Variants in GFRA1 observed in about 807,000 individuals in gnomAD.
The protein encoded by GFRA1 is GDNF family receptor alpha 1.
In GFRA1, 16 loss-of-function variants were observed where a neutral mutation model predicts 51.6. The ratio of observed to expected loss-of-function variants is 0.31; its 90% CI spans 0.21 to 0.47. The LOEUF (loss-of-function observed/expected upper bound fraction) is 0.47. Among genes scored for constraint, GFRA1 ranks in the 20% least tolerant of loss-of-function variants. GFRA1 has a pLI of 1.00. For synonymous variants in GFRA1, 270 were observed against 241.3 expected, an observed-to-expected ratio of 1.12 and a Z score of -1.10; for missense variants, 530 against 594.3, an observed-to-expected ratio of 0.89 and a Z score of 1.13.
chr10:116,242,404 C>G (rs1967466593), intron 4 of GFRA1, among the ~76,000 whole-genome samples: 1 of 152,138 alleles, frequency 6.6e-6, no homozygotes, highest in East Asian at 1.9e-4. Context: ...AATTTGTTCC[C>G]AAAAAGCTAA....
At chr10:116,166,318 G>C (rs1201070844) in intron 5 of GFRA1, among the ~76,000 whole-genome samples, 1 of 152,192 alleles carries the variant, frequency 6.6e-6, no homozygotes, top group Non-Finnish European at 1.5e-5. Flanking sequence ...ATACCCAGTA[G>C]TGGGAATGTT....
chr10:116,135,290 G>A (rs758243238), intron 5 of GFRA1, among the ~76,000 whole-genome samples: 6 of 152,080 alleles, frequency 3.9e-5, no homozygotes, highest in African/African-American at 7.2e-5. Context: ...TTATAATTAC[G>A]GTGTATAAAT....
At chr10:116,143,694 A>T (rs2134103702) in intron 5 of GFRA1, among the ~76,000 whole-genome samples, 1 of 152,036 alleles carries the variant, frequency 6.6e-6, no homozygotes, top group East Asian at 1.9e-4. Flanking sequence ...TGCAATGAAC[A>T]TGGCGAATTT....
chr10:116,266,267 C>T (rs1003061729), intron 4 of GFRA1, among the ~76,000 whole-genome samples: 12 of 152,160 alleles, frequency 7.9e-5, no homozygotes, highest in African/African-American at 2.2e-4. Context: ...GAAATCCAAA[C>T]ATGGAAAGTG....
At chr10:116,084,581 A>G (rs1956003606) in intron 9 of GFRA1, among the ~76,000 whole-genome samples, 2 of 152,136 alleles carry the variant, frequency 1.3e-5, no homozygotes, top group Admixed American at 1.3e-4. Flanking sequence ...CCTTCTCAGG[A>G]GGCCTGAGTC....
chr10:116,142,225 T>C (rs1465675201), intron 5 of GFRA1, among the ~76,000 whole-genome samples: 4 of 152,312 alleles, frequency 2.6e-5, no homozygotes, highest in South Asian at 4.1e-4. Flanking sequence ...GTTATACACA[T>C]CTCGGTATTT....
At chr10:116,189,277 C>T (rs1217203699) in intron 5 of GFRA1, among the ~76,000 whole-genome samples, 2 of 152,154 alleles carry the variant, frequency 1.3e-5, no homozygotes, top group Admixed American at 6.5e-5. Context: ...CCTAATGCCA[C>T]AGTGCCTTTG....
chr10:116,078,446 A>C (rs977268220), intron 9 of GFRA1, among the ~76,000 whole-genome samples: 1 of 152,162 alleles, frequency 6.6e-6, no homozygotes, highest in African/African-American at 2.4e-5. Context: ...TGGGAGAAGC[A>C]GGTTCACCAC....
At chr10:116,183,135 G>A (rs1265477625) in intron 5 of GFRA1, among the ~76,000 whole-genome samples, 3 of 152,334 alleles carry the variant, frequency 2.0e-5, no homozygotes, top group Middle Eastern at 3.4e-3. Flanking sequence ...AGTACAGCAA[G>A]TGTTGATCAA....
intron 6 of GFRA1, among the ~76,000 whole-genome samples, chr10:116,109,856 C>A (rs557291554): frequency 6.6e-6 from 1 of 152,304 alleles, no homozygotes; most frequent in East Asian, 1.9e-4. Context: ...CAAATCCCAA[C>A]TGCCCTGCAG....
At chr10:116,163,082 C>T (rs1409312010) in intron 5 of GFRA1, among the ~76,000 whole-genome samples, 2 of 152,152 alleles carry the variant, frequency 1.3e-5, no homozygotes, top group African/African-American at 4.8e-5. Flanking sequence ...CTTAATCACC[C>T]CAGGCCTGGA....
At chr10:116,191,166 C>T (rs1963226227) in intron 5 of GFRA1, among the ~76,000 whole-genome samples, 1 of 152,160 alleles carries the variant, frequency 6.6e-6, no homozygotes, top group Non-Finnish European at 1.5e-5. Context: ...TTGAAAATTG[C>T]TTTGCCTATC....
intron 5 of GFRA1, among the ~76,000 whole-genome samples, chr10:116,161,800 C>T (rs758028382): frequency 6.6e-6 from 1 of 152,214 alleles, no homozygotes; most frequent in African/African-American, 2.4e-5. Flanking sequence ...TTATAAATTA[C>T]TCAGTCTTGG....
intron 4 of GFRA1, among the ~76,000 whole-genome samples, chr10:116,255,106 T>A (rs1968721924): frequency 6.6e-6 from 1 of 152,118 alleles, no homozygotes; most frequent in South Asian, 2.1e-4. Context: ...CCCTCCACCA[T>A]GAGAGGAAAG....
chr10:116,125,394 G>A lies in GFRA1; in HGVS notation c.597C>T (p.Phe199=), dbSNP rs748344239. ...TGTGCTTGGCCGGGACCTTGTCAAA[G>A]AACTGCCGGAGGGCCTTGTGGCACT... ...RRKCHKALRQ[F]FDKVPAKHSY... The change falls in exon 6 of 11, where the codon TTC becomes TTT. Residue 199 remains phenylalanine, a synonymous_variant. Coordinates refer to ENST00000355422, the MANE Select transcript of GFRA1 (RefSeq NM_005264.8). 13 of 1,614,142 alleles carry A rather than the reference G, an allele frequency of 8.1e-6. No homozygotes were observed. In the African/African-American group the frequency reaches 1.5e-4, roughly 18 times the overall value.
At chr10:116,172,590 G>A (rs887588964) in intron 5 of GFRA1, among the ~76,000 whole-genome samples, 2 of 152,180 alleles carry the variant, frequency 1.3e-5, no homozygotes, top group Admixed American at 1.3e-4. Context: ...AGGGTTCAGA[G>A]AAGGAGGGCT....
At chr10:116,211,521 G>T in intron 5 of GFRA1, 110 bp downstream of exon 5, 1 of 1,009,136 alleles carries the variant, frequency 9.9e-7, no homozygotes, top group South Asian at 1.4e-5. Context: ...GGGCCTAAAT[G>T]ACATGTCCAT....
chr10:116,176,867 T>A (rs567446016), intron 5 of GFRA1, among the ~76,000 whole-genome samples: 8 of 152,204 alleles, frequency 5.3e-5, no homozygotes, highest in African/African-American at 1.9e-4. Context: ...AACCAAGAGA[T>A]CACCATGCAG....
At chr10:116,229,930 A>G (rs754244237) in intron 4 of GFRA1, among the ~76,000 whole-genome samples, 23 of 152,140 alleles carry the variant, frequency 1.5e-4, no homozygotes, top group Non-Finnish European at 2.8e-4. Context: ...TATTCCTACC[A>G]GGCACCCCTT....
Sources: gnomAD v4.1 joint callset for allele counts (sites outside exome capture counted in the v4.1 genomes callset) on GRCh38, gnomAD v4.1.1 for gene constraint, MANE v1.5 for transcripts, NCBI Gene and HGNC (gene_info 2026-07-23, HGNC 2026-07-21) for gene names.